Variants in SESTD1 observed in about 807,000 individuals in gnomAD.
The protein encoded by SESTD1 is SEC14 and spectrin domain containing 1.
In SESTD1, 43 loss-of-function variants were observed where a neutral mutation model predicts 101.7. The ratio of observed to expected loss-of-function variants is 0.42; its 90% confidence interval spans 0.33 to 0.55. The LOEUF is 0.55. Among genes scored for constraint, SESTD1 ranks in the 20% least tolerant of loss-of-function variants. SESTD1 has a pLI of 0.07. For missense variants in SESTD1, 647 were observed against 815.1 expected, an observed-to-expected ratio of 0.79 and a Z score of 2.51; for synonymous variants, 283 against 286.8, an observed-to-expected ratio of 0.99 and a Z score of 0.13.
At chr2:179,217,230 C>T (rs1157479494) in intron 1 of SESTD1, among the ~76,000 whole-genome samples, 13 of 152,244 alleles carry the variant, frequency 8.5e-5, no homozygotes, top group African/African-American at 2.4e-4. Flanking sequence ...CTGCAATCTA[C>T]CCATCTGACA....
At chr2:179,173,595 A>G (rs998425072) in intron 4 of SESTD1, among the ~76,000 whole-genome samples, 2 of 152,056 alleles carry the variant, frequency 1.3e-5, no homozygotes, top group East Asian at 1.9e-4. Flanking sequence ...CTTGTCTAAG[A>G]TAACAGAGTT....
At chr2:179,146,628 G>C (rs1375484164) in intron 7 of SESTD1, among the ~76,000 whole-genome samples, 171 bp from the exon 8 acceptor site, 2 of 152,096 alleles carry the variant, frequency 1.3e-5, no homozygotes, top group Non-Finnish European at 2.9e-5. Context: ...ATTAGGAAAA[G>C]TAAATACTAG....
chr2:179,216,663 C>A (rs1245788488), intron 1 of SESTD1, among the ~76,000 whole-genome samples: 2 of 135,046 alleles, frequency 1.5e-5, no homozygotes, highest in Non-Finnish European at 3.2e-5. Context: ...AAAAAGGAGT[C>A]CACATTGCCA....
At chr2:179,201,134 A>C (rs2046505628) in intron 1 of SESTD1, among the ~76,000 whole-genome samples, 1 of 135,142 alleles carries the variant, frequency 7.4e-6, no homozygotes, top group Non-Finnish European at 1.6e-5. Context: ...ACACTTCTCA[A>C]AAGAAGACAT....
chr2:179,223,114 T>C (rs1199951764), intron 1 of SESTD1, among the ~76,000 whole-genome samples: 1 of 151,838 alleles, frequency 6.6e-6, no homozygotes. Context: ...GCAATACAAA[T>C]GAATGAAAAC....
intron 1 of SESTD1, among the ~76,000 whole-genome samples, chr2:179,220,873 C>T (rs1443478106): frequency 1.3e-5 from 2 of 152,144 alleles, no homozygotes; most frequent in African/African-American, 4.8e-5. Flanking sequence ...AACACACATG[C>T]CTTCCATTGA....
chr2:179,125,922 CTCT>C (rs1196577412), intron 10 of SESTD1, among the ~76,000 whole-genome samples: 1 of 152,186 alleles, frequency 6.6e-6, no homozygotes, highest in Non-Finnish European at 1.5e-5. Flanking sequence ...AGCCGCCTGT[CTCT>C]TCTTCTAAGG....
intron 9 of SESTD1, among the ~76,000 whole-genome samples, chr2:179,141,528 G>A (rs1489392873): frequency 1.3e-5 from 2 of 151,076 alleles, no homozygotes; most frequent in Non-Finnish European, 2.9e-5. Flanking sequence ...TTGAATGGAT[G>A]AACTAATAGA....
chr2:179,144,749 C>T (rs2045357458), intron 8 of SESTD1, among the ~76,000 whole-genome samples: 1 of 151,882 alleles, frequency 6.6e-6, no homozygotes, highest in East Asian at 1.9e-4. Flanking sequence ...TTGTTCTAAA[C>T]CTTTTTGTTT....
At position 179,216,385 on chromosome 2, in the gene SESTD1, G is replaced by A. The variant is rs1025430311; in HGVS notation, c.-25-24519C>T. Among the ~76,000 whole-genome samples the A allele has an allele frequency of 7.4e-5, 10 of 134,560 alleles. 4 individuals are homozygous for A. The highest frequency in any genetic ancestry group is 1.6e-4 in the Non-Finnish European group (10 of 62,734). The allele number at this position is 134,560 out of a possible 152,430, so 88.3% of individuals were successfully genotyped here. A position where few individuals can be genotyped will look rare whatever the true frequency, so the allele number is the denominator to read the frequency against. ...CGTGAGTGAACTCCCATTCACAATT[G>A]CTTCAGAGAATAAAATACCTAGGAA... On this transcript the variant is annotated intron_variant, in intron 1 of 17. Coordinates refer to ENST00000428443, the MANE Select transcript of SESTD1 (RefSeq NM_178123.5).
chr2:179,119,975 G>C (rs1575423559), intron 13 of SESTD1, among the ~76,000 whole-genome samples: 1 of 151,982 alleles, frequency 6.6e-6, no homozygotes, highest in Admixed American at 6.6e-5. Context: ...TCACGCCTGT[G>C]ATCCCAGCAC....
At position 179,203,516 on chromosome 2, in the gene SESTD1, T is replaced by C. The variant is rs1013743354; in HGVS notation, c.-25-11650A>G. Among the ~76,000 whole-genome samples the C allele has an allele frequency of 2.8e-4, 38 of 133,624 alleles. 10 individuals carry two copies. The highest frequency in any genetic ancestry group is 9.6e-5 in the Non-Finnish European group (6 of 62,392). 87.7% of individuals were successfully genotyped at this position (133,624 alleles called of 152,430 possible). On this transcript the variant is annotated intron_variant, in intron 1 of 17. Transcript: ENST00000428443. Reference sequence around the variant, plus strand: ...GACGGTAGCACACCCAGAGAGGCCATGGAAGGTCCCCATGCCTCCTCCCCC... The same window carrying C: ...GACGGTAGCACACCCAGAGAGGCCACGGAAGGTCCCCATGCCTCCTCCCCC...
chr2:179,185,505 G>T (rs1207352861), intron 2 of SESTD1, among the ~76,000 whole-genome samples: 1 of 133,870 alleles, frequency 7.5e-6, no homozygotes, highest in Non-Finnish European at 1.5e-5. Flanking sequence ...ATATTATATC[G>T]TATATTGTAT....
At chr2:179,228,166 G>A (rs1003441819) in intron 1 of SESTD1, among the ~76,000 whole-genome samples, 1 of 152,236 alleles carries the variant, frequency 6.6e-6, no homozygotes, top group East Asian at 1.9e-4. Context: ...GTCATTTAGT[G>A]TGTTACCAGG....
At chr2:179,250,323 G>C (rs2047297188) in intron 1 of SESTD1, among the ~76,000 whole-genome samples, 1 of 152,208 alleles carries the variant, frequency 6.6e-6, no homozygotes, top group African/African-American at 2.4e-5. Context: ...ACCACGGTGA[G>C]ACATCACTAC....
intron 8 of SESTD1, 58 bp downstream of exon 8, chr2:179,146,344 A>T: frequency 7.0e-7 from 1 of 1,432,700 alleles, no homozygotes; most frequent in Non-Finnish European, 9.8e-7. Context: ...TTATTTAATG[A>T]ACGAATCAAT....
chr2:179,237,779 C>T (rs1470195442), intron 1 of SESTD1, among the ~76,000 whole-genome samples: 1 of 152,130 alleles, frequency 6.6e-6, no homozygotes. Flanking sequence ...AGACTTGCCC[C>T]ACCCCTGCTC....
chr2:179,191,469 A>G (rs540929924), intron 2 of SESTD1, among the ~76,000 whole-genome samples: 32 of 152,254 alleles, frequency 2.1e-4, no homozygotes, highest in Admixed American at 6.5e-4. Flanking sequence ...AAAACTACCT[A>G]CTGGGTATTA....
intron 1 of SESTD1, among the ~76,000 whole-genome samples, chr2:179,218,045 G>C (rs903059909): frequency 2.0e-5 from 3 of 152,046 alleles, no homozygotes; most frequent in Non-Finnish European, 4.4e-5. Flanking sequence ...CGAGTTGATG[G>C]GTGCAGCAAA....
Sources: gnomAD v4.1 joint callset for allele counts (sites outside exome capture counted in the v4.1 genomes callset) on GRCh38, gnomAD v4.1.1 for gene constraint, MANE v1.5 for transcripts, NCBI Gene and HGNC (gene_info 2026-07-23, HGNC 2026-07-21) for gene names.